ADAMTSL1: variants seen among roughly 807,000 people sequenced by gnomAD.
ADAMTSL1 encodes ADAMTS-like protein 1.
In ADAMTSL1, 126 loss-of-function variants were observed where a neutral mutation model predicts 201.8. The observed-to-expected ratio is 0.62, with a 90% CI of 0.54 to 0.72. ADAMTSL1 has a LOEUF of 0.72. Ranked by LOEUF, ADAMTSL1 falls within the 30% of genes least tolerant of loss-of-function variation. ADAMTSL1 has a pLI of 0.00. For missense variants in ADAMTSL1, 2,679 were observed against 2,277.8 expected (o/e 1.18, Z -3.59); for synonymous variants, 1,121 against 903.4 (o/e 1.24, Z -4.32).
intron 2 of ADAMTSL1, among the ~76,000 whole-genome samples, chr9:18,401,869 A>T (rs1028225209): frequency 6.6e-6 from 1 of 152,150 alleles, no homozygotes; most frequent in Non-Finnish European, 1.5e-5. Context: ...GACCGTTCTC[A>T]CCTGCAAGGG....
chr9:18,318,727 T>A (rs962654243), intron 2 of ADAMTSL1, among the ~76,000 whole-genome samples: 8 of 152,130 alleles, frequency 5.3e-5, no homozygotes, highest in African/African-American at 1.9e-4. Context: ...AGCTAATTTT[T>A]TTTTTTTCAA....
At chr9:18,505,107 G>C in intron 2 of ADAMTSL1, 151 bp downstream of exon 2, 1 of 1,076,322 alleles carries the variant, frequency 9.3e-7, no homozygotes, top group Non-Finnish European at 1.3e-6. Context: ...AATTAAATTT[G>C]TGTTCTTACG....
chr9:18,661,978 C>T lies in ADAMTSL1; in HGVS notation c.990C>T (p.Asn330=). ...TSAECYDLRS[N]RVVADQYCHY... is the part of the protein sequence containing the mutation. ...CTGAGTGCTACGATCTGAGGAGCAA[C>T]CGTGTGGTTGCTGACCAATACTGTC... Residue 330 remains asparagine (N), a synonymous_variant, in exon 9 of 29, where the codon AAC becomes AAT. Transcript: ENST00000380548. 1 of 1,613,992 alleles carries T rather than the reference C, an allele frequency of 6.2e-7. No individual in the cohort carries two copies. The highest frequency in any genetic ancestry group is 8.5e-7 in the Non-Finnish European group (1 of 1,179,910).
chr9:18,308,930 T>C (rs1234205515), intron 2 of ADAMTSL1, among the ~76,000 whole-genome samples: 1 of 152,016 alleles, frequency 6.6e-6, no homozygotes, highest in African/African-American at 2.4e-5. Context: ...GATGTAAAAA[T>C]CTTCAATAAA....
chr9:18,000,876 T>C (rs935204510), intron 1 of ADAMTSL1, among the ~76,000 whole-genome samples: 2 of 152,002 alleles, frequency 1.3e-5, no homozygotes, highest in African/African-American at 4.8e-5. Flanking sequence ...TTAACCAACA[T>C]TAACTTGGCC....
intron 2 of ADAMTSL1, among the ~76,000 whole-genome samples, chr9:18,250,626 G>C (rs961382910): frequency 2.6e-5 from 4 of 151,708 alleles, no homozygotes; most frequent in Non-Finnish European, 4.4e-5. Flanking sequence ...GGTGACCTGG[G>C]AACACCTGAA....
intron 1 of ADAMTSL1, among the ~76,000 whole-genome samples, chr9:18,037,863 T>C (rs1159305465): frequency 1.3e-5 from 2 of 152,092 alleles, no homozygotes; most frequent in African/African-American, 4.8e-5. Flanking sequence ...AAACAAATGG[T>C]GCGCAATTAA....
intron 4 of ADAMTSL1, among the ~76,000 whole-genome samples, chr9:18,589,809 A>T (rs1057022691): frequency 6.6e-5 from 10 of 152,120 alleles, no homozygotes; most frequent in African/African-American, 2.4e-4. Context: ...ATGTCTTTTC[A>T]GCGTCTATTG....
At chr9:18,632,006 C>A (rs1288207486) in intron 5 of ADAMTSL1, among the ~76,000 whole-genome samples, 1 of 152,170 alleles carries the variant, frequency 6.6e-6, no homozygotes, top group South Asian at 2.1e-4. Context: ...TGCACTCAAT[C>A]GTAAAACAGT....
chr9:18,000,515 T>C (rs1819568588), intron 1 of ADAMTSL1, among the ~76,000 whole-genome samples: 1 of 151,972 alleles, frequency 6.6e-6, no homozygotes, highest in South Asian at 2.1e-4. Flanking sequence ...CATCCACAAA[T>C]GAGATCCTTT....
chr9:17,926,234 A>T (rs1310143496), intron 1 of ADAMTSL1, among the ~76,000 whole-genome samples: 2 of 152,210 alleles, frequency 1.3e-5, no homozygotes, highest in African/African-American at 4.8e-5. Context: ...GTTGTTTATT[A>T]TTAAAGAGTG....
chr9:18,359,815 A>ACCCCCCCCCCCCCCCCCC (rs1563911410), intron 2 of ADAMTSL1, among the ~76,000 whole-genome samples: 1 of 46,850 alleles, frequency 2.1e-5, no homozygotes, highest in Admixed American at 2.9e-4. Context: ...TTAATGCCCC[A>ACCCCCCCCCCCCCCCCCC]CCTCCCCACC....
intron 1 of ADAMTSL1, among the ~76,000 whole-genome samples, chr9:18,010,468 T>C (rs1820006572): frequency 6.6e-6 from 1 of 152,026 alleles, no homozygotes. Context: ...TTCTGTAAAA[T>C]ACTTCACTTG....
chr9:18,908,636 T>C lies in ADAMTSL1; in HGVS notation c.*88T>C. 2 of 1,085,064 alleles carry C rather than the reference T, an allele frequency of 1.8e-6. No homozygotes were observed. The highest frequency in any genetic ancestry group is 2.6e-6 in the Non-Finnish European group (2 of 756,468). 67.2% of individuals were successfully genotyped at this position (1,085,064 alleles called of 1,614,324 possible). A position where few individuals can be genotyped will look rare whatever the true frequency, so the allele number is the denominator to read the frequency against. Reference sequence around the variant, plus strand: ...CAGAACCTAAGCTTTCTTCATTTTATTTATTTATTTCCCCCTCCCCACTCC... The same window carrying C: ...CAGAACCTAAGCTTTCTTCATTTTACTTATTTATTTCCCCCTCCCCACTCC... On this transcript the variant is annotated 3_prime_UTR_variant, in exon 29 of 29. Transcript: ENST00000380548.
At chr9:18,869,468 T>C (rs1287203312) in intron 23 of ADAMTSL1, among the ~76,000 whole-genome samples, 1 of 152,210 alleles carries the variant, frequency 6.6e-6, no homozygotes, top group Admixed American at 6.5e-5. Context: ...AAACAGTTGT[T>C]TCATACATTT....
At chr9:18,337,495 A>T (rs1028530643) in intron 2 of ADAMTSL1, among the ~76,000 whole-genome samples, 25 of 152,266 alleles carry the variant, frequency 1.6e-4, no homozygotes, top group African/African-American at 5.8e-4. Context: ...GACAAATACA[A>T]TTATTATCCA....
At chr9:18,878,267 A>G (rs1268696813) in intron 23 of ADAMTSL1, among the ~76,000 whole-genome samples, 2 of 151,624 alleles carry the variant, frequency 1.3e-5, no homozygotes, top group African/African-American at 4.8e-5. Flanking sequence ...CTGTGCTCCT[A>G]TCTGCACTCC....
Position 18,775,782 on chromosome 9 carries a change from G to A in ADAMTSL1, c.2437G>A (p.Ala813Thr), listed in dbSNP as rs373738158. The A allele has an allele frequency of 5.2e-5, 84 of 1,612,560 alleles. 1 individual carries two copies. The East Asian group carries it at 1.6e-3, about 31-fold the overall frequency. ...SCGEGTQTRS[A>T]ICRKMLKTGL... ...CGGGGAAGGCACCCAGACTCGAAGC[G>A]CCATTTGCCGAAAGATGCTGAAAAC... The change falls in exon 18 of 29, where the codon GCC becomes ACC. Residue 813 changes from alanine to threonine, a missense_variant. Transcript: ENST00000380548.
intron 2 of ADAMTSL1, among the ~76,000 whole-genome samples, chr9:18,527,459 G>A (rs1332531935): frequency 6.6e-6 from 1 of 152,142 alleles, no homozygotes; most frequent in East Asian, 1.9e-4. Flanking sequence ...TAAAGTAAAG[G>A]AGCGATAAAT....
Sources: gnomAD v4.1 joint callset for allele counts (sites outside exome capture counted in the v4.1 genomes callset) on GRCh38, gnomAD v4.1.1 for gene constraint, MANE v1.5 for transcripts, NCBI Gene and HGNC (gene_info 2026-07-23, HGNC 2026-07-21) for gene names.